SNTB1: variants seen among roughly 807,000 people sequenced by gnomAD.
SNTB1 encodes the protein syntrophin beta 1, also known as beta-1-syntrophin.
SNTB1 carries 36 observed loss-of-function variants against 48.9 expected under a neutral mutation model. That is an observed-to-expected ratio of 0.74 (90% CI 0.56 to 0.97). The LOEUF (loss-of-function observed/expected upper bound fraction) is 0.97, where lower values mean the gene tolerates loss of function less well. Ranked by LOEUF, SNTB1 falls within the 50% of genes least tolerant of loss-of-function variation. The pLI is 0.00. For synonymous variants in SNTB1, 299 were observed against 294.6 expected (o/e 1.01, Z -0.15); for missense variants, 786 against 703.4 (o/e 1.12, Z -1.33).
rs1019915402 is a variant in SNTB1 at position 120,730,169 on chromosome 8, A to AT, written c.572-36262dup. On this transcript the variant is annotated intron_variant, in intron 1 of 6. Transcript: ENST00000517992. ...TTTATTTTTTATTTTTATTATGATTATTTTTTTGAGACAGAGTCTTGCTCT... is the reference window on the plus strand; with the variant it reads ...TTTATTTTTTATTTTTATTATGATTATTTTTTTTGAGACAGAGTCTTGCTCT... 7.2e-5 allele frequency among the ~76,000 whole-genome samples: 11 copies of AT among 151,972 alleles called. No individual in the cohort carries two copies. The South Asian group carries it at 1.9e-3, about 26-fold the overall frequency.
intron 5 of SNTB1, among the ~76,000 whole-genome samples, chr8:120,546,821 T>G (rs1406010916): frequency 1.3e-5 from 2 of 152,188 alleles, no homozygotes; most frequent in Non-Finnish European, 2.9e-5. Flanking sequence ...ATTATCTATC[T>G]ATATACCTAT....
chr8:120,625,657 T>G (rs1030645310), intron 3 of SNTB1, among the ~76,000 whole-genome samples: 1 of 152,198 alleles, frequency 6.6e-6, no homozygotes, highest in African/African-American at 2.4e-5. Flanking sequence ...GCTGCCAGAT[T>G]TTTTTCTTAG....
intron 3 of SNTB1, among the ~76,000 whole-genome samples, chr8:120,603,683 CTG>C (rs1563829125): frequency 6.6e-6 from 1 of 152,200 alleles, no homozygotes; most frequent in African/African-American, 2.4e-5. Flanking sequence ...GGACACGACA[CTG>C]TGCCCATATG....
intron 2 of SNTB1, among the ~76,000 whole-genome samples, chr8:120,661,176 T>C (rs1817581581): frequency 6.6e-6 from 1 of 151,208 alleles, no homozygotes. Context: ...GGCAGGGTTG[T>C]CACAAACCTT....
intron 2 of SNTB1, among the ~76,000 whole-genome samples, chr8:120,692,648 G>A (rs1249405634): frequency 1.3e-5 from 2 of 152,052 alleles, no homozygotes; most frequent in Non-Finnish European, 2.9e-5. Context: ...TACCGACTTT[G>A]GGAAACAGCA....
chr8:120,582,473 A>G (rs1245406070), intron 3 of SNTB1, among the ~76,000 whole-genome samples: 1 of 152,242 alleles, frequency 6.6e-6, no homozygotes, highest in African/African-American at 2.4e-5. Context: ...AAAGCATCAG[A>G]AAGTTCAACA....
At chr8:120,570,433 A>T (rs1338837280) in intron 4 of SNTB1, 2 of 152,178 alleles carry the variant, frequency 1.3e-5, no homozygotes, top group Non-Finnish European at 2.9e-5. Flanking sequence ...GTAGAAAAGG[A>T]TACGCTAGTG....
At chr8:120,621,510 C>T (rs774305884) in intron 3 of SNTB1, among the ~76,000 whole-genome samples, 3 of 152,170 alleles carry the variant, frequency 2.0e-5, no homozygotes, top group African/African-American at 4.8e-5. Context: ...ATGAACAGTA[C>T]AGCCACATGT....
chr8:120,783,418 C>T (rs1476008517), intron 1 of SNTB1, among the ~76,000 whole-genome samples: 3 of 151,996 alleles, frequency 2.0e-5, no homozygotes, highest in African/African-American at 7.2e-5. Flanking sequence ...ATACTGAATA[C>T]ACATGTGCAT....
intron 3 of SNTB1, among the ~76,000 whole-genome samples, chr8:120,583,366 C>T (rs1383105470): frequency 1.3e-5 from 2 of 151,850 alleles, no homozygotes; most frequent in Admixed American, 6.6e-5. Flanking sequence ...ATTAGCCAGG[C>T]GTGGTGGTGG....
intron 1 of SNTB1, among the ~76,000 whole-genome samples, chr8:120,767,091 G>A (rs1819538628): frequency 6.6e-6 from 1 of 152,040 alleles, no homozygotes; most frequent in Non-Finnish European, 1.5e-5. Context: ...CCATTTTCCA[G>A]TCTTTATTAA....
intron 2 of SNTB1, among the ~76,000 whole-genome samples, chr8:120,688,567 G>A (rs1818072775): frequency 6.6e-6 from 1 of 152,094 alleles, no homozygotes; most frequent in African/African-American, 2.4e-5. Context: ...AAAATCACAA[G>A]TTATTATGAA....
At chr8:120,661,807 T>A (rs1275759618) in intron 2 of SNTB1, among the ~76,000 whole-genome samples, 3 of 152,210 alleles carry the variant, frequency 2.0e-5, no homozygotes, top group Non-Finnish European at 2.9e-5. Context: ...TTCATCCATG[T>A]CCCTGCAAAG....
At chr8:120,728,109 T>G (rs1421068838) in intron 1 of SNTB1, among the ~76,000 whole-genome samples, 1 of 152,154 alleles carries the variant, frequency 6.6e-6, no homozygotes, top group Non-Finnish European at 1.5e-5. Flanking sequence ...CACTGCAACC[T>G]CCACCTCCCA....
At chr8:120,773,438 T>C (rs4258046) in intron 1 of SNTB1, among the ~76,000 whole-genome samples, 28,477 of 152,184 alleles carry the variant, frequency 0.19, 3,075 homozygotes, top group Middle Eastern at 0.26. Flanking sequence ...GAATTCCAGA[T>C]TGTGTGGCTG....
chr8:120,762,722 C>T (rs139129876), intron 1 of SNTB1, among the ~76,000 whole-genome samples: 1,553 of 152,102 alleles, frequency 0.01, 13 homozygotes, highest in Non-Finnish European at 0.013. Context: ...AGGCTATGGT[C>T]TTTGGGAACA....
At chr8:120,647,289 T>A (rs1040865964) in intron 2 of SNTB1, among the ~76,000 whole-genome samples, 1 of 136,242 alleles carries the variant, frequency 7.3e-6, no homozygotes, top group African/African-American at 2.7e-5. Context: ...TCCTGCTTTC[T>A]CTTGTGGGCA....
intron 2 of SNTB1, among the ~76,000 whole-genome samples, chr8:120,686,871 C>T (rs976673832): frequency 6.6e-6 from 1 of 152,064 alleles, no homozygotes; most frequent in African/African-American, 2.4e-5. Context: ...TAATGACAAT[C>T]ATGAATTCTG....
chr8:120,810,925 T>A (rs1820415224), intron 1 of SNTB1, among the ~76,000 whole-genome samples: 1 of 152,074 alleles, frequency 6.6e-6, no homozygotes, highest in Non-Finnish European at 1.5e-5. Context: ...CATATCCCAG[T>A]CCCTACACTC....
Sources: allele counts gnomAD v4.1 joint callset (sites outside exome capture counted in the v4.1 genomes callset), GRCh38; gene constraint gnomAD v4.1.1; transcripts MANE v1.5; gene names NCBI Gene and HGNC (gene_info 2026-07-23, HGNC 2026-07-21).